TMED3: variants seen among roughly 807,000 people sequenced by gnomAD.
TMED3 encodes the protein transmembrane emp24 domain-containing protein 3.
A neutral mutation model predicts 15.0 loss-of-function variants in TMED3; 9 were observed. The ratio of observed to expected loss-of-function variants is 0.60; its 90% CI spans 0.36 to 1.04. TMED3 has a LOEUF of 1.04. Ranked by LOEUF, TMED3 falls within the 50% of genes least tolerant of loss-of-function variation. The pLI, the probability that TMED3 is intolerant of heterozygous loss-of-function variation, is 0.01. For synonymous variants in TMED3, 117 were observed against 121.4 expected, an observed-to-expected ratio of 0.96 and a Z score of 0.24; for missense variants, 267 against 278.9, an observed-to-expected ratio of 0.96 and a Z score of 0.30.
intron 2 of TMED3, among the ~76,000 whole-genome samples, chr15:79,378,976 G>A (rs535672598): frequency 2.3e-4 from 35 of 152,274 alleles, no homozygotes; most frequent in African/African-American, 5.3e-4. Flanking sequence ...AGTTGATGAC[G>A]TAATTAGGTC....
intron 2 of TMED3, among the ~76,000 whole-genome samples, chr15:79,329,589 G>A (rs903741175): frequency 3.3e-5 from 5 of 152,166 alleles, no homozygotes; most frequent in Non-Finnish European, 7.4e-5. Context: ...TGTTGACCCT[G>A]TAAGGCAGAG....
intron 2 of TMED3, among the ~76,000 whole-genome samples, chr15:79,404,447 A>G (rs938007743): frequency 7.2e-5 from 11 of 152,230 alleles, no homozygotes; most frequent in African/African-American, 2.7e-4. Context: ...CTCTCCATTC[A>G]TGGGTCCATT....
chr15:79,334,386 A>G (rs1446585174), intron 2 of TMED3, among the ~76,000 whole-genome samples: 2 of 152,176 alleles, frequency 1.3e-5, no homozygotes, highest in Admixed American at 1.3e-4. Context: ...GGCAGCATCT[A>G]GGGGCCATGT....
rs377286799 is a variant in TMED3, at chr15:79,311,246, C to T, written c.-4C>T. 1.2e-5 allele frequency: 19 copies of T among 1,596,852 alleles called. No individual in the cohort carries two copies. Among genetic ancestry groups the T allele is most frequent in the East Asian group, 2.3e-5 (1 of 44,072 alleles). ...GCGGCCCTCGAGACGGGACCGAGAG[C>T]ATCATGGGCAGCACTGTCCCGCGCT... On this transcript the variant is annotated 5_prime_UTR_variant, in exon 1 of 3. Coordinates refer to ENST00000299705, the MANE Select transcript of TMED3 (RefSeq NM_007364.4).
chr15:79,331,901 CAA>C (rs2058810733), intron 2 of TMED3, among the ~76,000 whole-genome samples: 1 of 152,046 alleles, frequency 6.6e-6, no homozygotes, highest in South Asian at 2.1e-4. Context: ...CAAAAAATAA[CAA>C]ATACTGGTGA....
intron 2 of TMED3, among the ~76,000 whole-genome samples, chr15:79,396,122 A>G (rs113413844): frequency 3.0e-4 from 45 of 152,354 alleles, no homozygotes; most frequent in African/African-American, 9.6e-4. Flanking sequence ...GAATTCCAGA[A>G]CAAATGCTAA....
chr15:79,343,848 G>A (rs1315890539), intron 2 of TMED3, among the ~76,000 whole-genome samples: 1 of 152,206 alleles, frequency 6.6e-6, no homozygotes, highest in Non-Finnish European at 1.5e-5. Context: ...CTGTGGGAAG[G>A]AGAGTTTGGG....
At chr15:79,355,542 A>G (rs1045528785) in intron 2 of TMED3, among the ~76,000 whole-genome samples, 2 of 152,156 alleles carry the variant, frequency 1.3e-5, no homozygotes, top group Admixed American at 1.3e-4. Context: ...GGGTGCTGCA[A>G]TTTCAAGCCA....
In TMED3 at chr15:79,382,948, C is replaced by G. The variant is rs563712491; in HGVS notation, c.418-28452C>G. On this transcript the variant is annotated intron_variant, in intron 2 of 2. Transcript: ENST00000424155. ...AAAGTCAATTACAAGGGCATAAACACGATTTATTTCTTTTCCAAGGGTCCC... is the reference window on the plus strand; with the variant it reads ...AAAGTCAATTACAAGGGCATAAACAGGATTTATTTCTTTTCCAAGGGTCCC... 1.2e-5 allele frequency: 19 copies of G among 1,535,258 alleles called. No individual in the cohort carries two copies. The African/African-American group carries it at 2.6e-4, about 21-fold the overall frequency.
At chr15:79,396,856 G>A (rs1468817581) in intron 2 of TMED3, among the ~76,000 whole-genome samples, 2 of 152,162 alleles carry the variant, frequency 1.3e-5, no homozygotes, top group Admixed American at 6.5e-5. Flanking sequence ...TTTATTACAT[G>A]TTGAAATAAT....
rs117297949 is a variant in TMED3, at chr15:79,320,954, G to T, written c.418-1024G>T. Among the ~76,000 whole-genome samples, 9 of 152,276 alleles carry T rather than the reference G, an allele frequency of 5.9e-5. No homozygotes were observed. In the East Asian group the frequency reaches 1.7e-3, roughly 29 times the overall value. ...TGTTGGTGGAGTTCAGTTCTTTGTG[G>T]TTGTAGGACTGAGGTCCCCATTTCC... On this transcript the variant is annotated intron_variant, in intron 2 of 2. Coordinates refer to ENST00000299705, the MANE Select transcript of TMED3 (RefSeq NM_007364.4).
rs189454066 is a variant in TMED3, at chr15:79,351,142, T to G, written c.417+37137T>G. ...TATCATTCTTTAATAGTTGCCATCATGATAGGAGGCTCAATATTATTTTTA... is the reference window on the plus strand; with the variant it reads ...TATCATTCTTTAATAGTTGCCATCAGGATAGGAGGCTCAATATTATTTTTA... On this transcript the variant is annotated intron_variant, in intron 2 of 2. Coordinates refer to the TMED3 transcript ENST00000424155. 2.1e-3 allele frequency among the ~76,000 whole-genome samples: 316 copies of G among 152,342 alleles called. 3 individuals carry two copies. The highest frequency in any genetic ancestry group is 7.4e-3 in the African/African-American group (309 of 41,582).
chr15:79,399,883 G>A (rs902352961), intron 2 of TMED3, among the ~76,000 whole-genome samples: 6 of 152,166 alleles, frequency 3.9e-5, no homozygotes, highest in Non-Finnish European at 8.8e-5. Flanking sequence ...CAGTCTCCAC[G>A]GAGGCAGGGC....
chr15:79,411,433 A>C, exon 3 of TMED3: 1 of 702,602 alleles, frequency 1.4e-6, no homozygotes, highest in Non-Finnish European at 2.6e-6. Context: ...GGAGGTGGAC[A>C]AGATGGTCGA....
intron 2 of TMED3, among the ~76,000 whole-genome samples, chr15:79,366,780 C>T (rs16970880): frequency 0.11 from 16,926 of 152,228 alleles, 1,332 homozygotes; most frequent in East Asian, 0.4. Context: ...TCTAAAGCTC[C>T]AAGGTGACGG....
intron 2 of TMED3, among the ~76,000 whole-genome samples, chr15:79,380,943 C>A (rs78791139): frequency 6.6e-6 from 1 of 152,100 alleles, no homozygotes; most frequent in Non-Finnish European, 1.5e-5. Flanking sequence ...CAGGGCAATG[C>A]ACAATAGTAA....
rs1893257331 is a variant in TMED3, at chr15:79,367,449, C to T, written c.418-43951C>T. ...AGTCCTGACACCCAAATCCTGGCAG[C>T]ATCTAACACCTCTTCCTTAAACTCT... On this transcript the variant is annotated intron_variant, in intron 2 of 2. Coordinates refer to the TMED3 transcript ENST00000424155. 2.6e-5 allele frequency among the ~76,000 whole-genome samples: 4 copies of T among 152,316 alleles called. No individual in the cohort carries two copies. In the South Asian group the frequency reaches 8.3e-4, roughly 32 times the overall value.
At position 79,315,021 on chromosome 15, in the gene TMED3, C is replaced by T. The variant is rs114103509; in HGVS notation, c.417+1016C>T. Among the ~76,000 whole-genome samples, 938 of 152,276 alleles carry T rather than the reference C, an allele frequency of 6.2e-3. 8 individuals carry two copies. Among genetic ancestry groups the T allele is most frequent in the African/African-American group, 0.021 (880 of 41,538 alleles). The stretch of plus-strand genomic sequence containing the variant: ...GGGAAACCTGTAAGACAGGAATAAC[C>T]ATCGATAGCAGCACGTGTGCCAGAA... On this transcript the variant is annotated intron_variant, in intron 2 of 2. Coordinates refer to ENST00000299705, the MANE Select transcript of TMED3 (RefSeq NM_007364.4).
chr15:79,357,464 CAAAAA>C (rs59897659), intron 2 of TMED3, among the ~76,000 whole-genome samples: 11,077 of 87,646 alleles, frequency 0.13, 421 homozygotes, highest in Admixed American at 0.19. Flanking sequence ...CACCCTGCCT[CAAAAA>C]AAAAAAAAAA....
Sources: gnomAD v4.1 joint callset for allele counts (sites outside exome capture counted in the v4.1 genomes callset) on GRCh38, gnomAD v4.1.1 for gene constraint, MANE v1.5 for transcripts, NCBI Gene and HGNC (gene_info 2026-07-23, HGNC 2026-07-21) for gene names.